The following DOK6 variants were observed in gnomAD, a reference collection of about 807,000 sequenced individuals.
The protein encoded by DOK6 is docking protein 6, also known as downstream of tyrosine kinase 6.
In DOK6, 22 loss-of-function variants were observed where a neutral mutation model predicts 44.0. The observed-to-expected ratio is 0.50, with a 90% CI of 0.36 to 0.71. The LOEUF is 0.71. Among genes scored for constraint, DOK6 ranks in the 30% least tolerant of loss-of-function variants. DOK6 has a pLI of 0.00. For synonymous variants in DOK6, 166 were observed against 145.5 expected (o/e 1.14, Z -1.01); for missense variants, 340 against 416.4 (o/e 0.82, Z 1.60).
chr18:69,541,840 T>C (rs934162443), intron 1 of DOK6, among the ~76,000 whole-genome samples: 12 of 151,756 alleles, frequency 7.9e-5, no homozygotes, highest in Middle Eastern at 3.4e-3. Flanking sequence ...TTGAAAACTC[T>C]GTATTGATAG....
At chr18:69,614,819 G>T (rs542773203) in intron 3 of DOK6, among the ~76,000 whole-genome samples, 2 of 151,602 alleles carry the variant, frequency 1.3e-5, no homozygotes, top group East Asian at 3.9e-4. Flanking sequence ...ACACATATGT[G>T]TGTGTGTGTG....
chr18:69,755,607 C>G (rs1979330016), intron 6 of DOK6, among the ~76,000 whole-genome samples: 1 of 152,152 alleles, frequency 6.6e-6, no homozygotes, highest in Admixed American at 6.5e-5. Context: ...CCTAATAATC[C>G]TTTCATAAAA....
rs559853474 is a variant in DOK6, at chr18:69,522,200, A to G, written c.67-42287A>G. The stretch of plus-strand genomic sequence containing the variant: ...TTTACTAACAGTATATTGTTGGTTC[A>G]AAACAAACCACACACACACACACCC... On this transcript the variant is annotated intron_variant, in intron 1 of 7. Coordinates refer to ENST00000382713, the MANE Select transcript of DOK6 (RefSeq NM_152721.6). 4.0e-5 allele frequency among the ~76,000 whole-genome samples: 6 copies of G among 151,846 alleles called. No individual in the cohort carries two copies. In the East Asian group the frequency reaches 9.7e-4, roughly 25 times the overall value.
intron 1 of DOK6, among the ~76,000 whole-genome samples, chr18:69,484,772 C>T (rs886437994): frequency 2.6e-5 from 4 of 152,180 alleles, no homozygotes; most frequent in Non-Finnish European, 5.9e-5. Context: ...AGGTGCACCA[C>T]AGCCTTCTCC....
chr18:69,592,389 T>C (rs1173427872), intron 2 of DOK6, among the ~76,000 whole-genome samples: 1 of 152,098 alleles, frequency 6.6e-6, no homozygotes, highest in Non-Finnish European at 1.5e-5. Flanking sequence ...AGTTATTTTT[T>C]ATTTTCCCAC....
chr18:69,736,637 T>C (rs1486929636), intron 5 of DOK6, among the ~76,000 whole-genome samples: 1 of 152,190 alleles, frequency 6.6e-6, no homozygotes, highest in Non-Finnish European at 1.5e-5. Context: ...GGCAAGGGAA[T>C]TGGGGGTTCA....
intron 4 of DOK6, among the ~76,000 whole-genome samples, chr18:69,679,959 A>C (rs974955446): frequency 6.6e-6 from 1 of 152,138 alleles, no homozygotes; most frequent in African/African-American, 2.4e-5. Flanking sequence ...CACACACAAC[A>C]CACATACACA....
intron 3 of DOK6, among the ~76,000 whole-genome samples, chr18:69,613,836 T>A (rs937924850): frequency 6.6e-6 from 1 of 151,652 alleles, no homozygotes; most frequent in Admixed American, 6.6e-5. Flanking sequence ...GGTTCTTCCC[T>A]CCAAAATATG....
chr18:69,472,394 A>T (rs1599147256), intron 1 of DOK6, among the ~76,000 whole-genome samples: 1 of 152,322 alleles, frequency 6.6e-6, no homozygotes, highest in East Asian at 1.9e-4. Context: ...CTTAGAAGAA[A>T]AGGTGGCACA....
intron 7 of DOK6, among the ~76,000 whole-genome samples, chr18:69,789,621 C>A (rs1327733026): frequency 1.3e-5 from 2 of 152,040 alleles, no homozygotes. Flanking sequence ...TGTTTATGTT[C>A]CCAAAGATGA....
intron 3 of DOK6, among the ~76,000 whole-genome samples, chr18:69,609,387 A>T (rs1216473665): frequency 2.0e-5 from 3 of 152,178 alleles, no homozygotes; most frequent in African/African-American, 4.8e-5. Context: ...GGTGTATGAA[A>T]GGTGCTCTGA....
chr18:69,847,838 A>T lies in DOK6; in HGVS notation c.*6455A>T, dbSNP rs922378391. Reference sequence around the variant, plus strand: ...CAACTTTGTTGTGAAAGCTGATAACAGAGTATGATTCTTTCCAGTTACAAA... The same window carrying T: ...CAACTTTGTTGTGAAAGCTGATAACTGAGTATGATTCTTTCCAGTTACAAA... On this transcript the variant is annotated 3_prime_UTR_variant, in exon 8 of 8. Coordinates refer to ENST00000382713, the MANE Select transcript of DOK6 (RefSeq NM_152721.6). 7.2e-5 allele frequency: 11 copies of T among 152,028 alleles called. No homozygotes were observed. The highest frequency in any genetic ancestry group is 2.7e-4 in the African/African-American group (11 of 41,394). 9.4% of individuals were successfully genotyped at this position (152,028 alleles called of 1,614,324 possible).
chr18:69,410,120 G>C (rs1978299878), intron 1 of DOK6, among the ~76,000 whole-genome samples: 1 of 152,206 alleles, frequency 6.6e-6, no homozygotes, highest in South Asian at 2.1e-4. Context: ...TACTATTCTA[G>C]ACATTTAAAA....
chr18:69,828,127 A>G (rs1273437199), intron 7 of DOK6, among the ~76,000 whole-genome samples: 1 of 151,884 alleles, frequency 6.6e-6, no homozygotes, highest in African/African-American at 2.4e-5. Context: ...AATTAAAACA[A>G]AGATACTTTA....
chr18:69,465,234 T>C (rs935904010), intron 1 of DOK6, among the ~76,000 whole-genome samples: 36 of 152,170 alleles, frequency 2.4e-4, no homozygotes, highest in Admixed American at 1.3e-3. Context: ...GATAAATTTG[T>C]ATTTTCATTT....
intron 3 of DOK6, among the ~76,000 whole-genome samples, chr18:69,667,923 A>G (rs980064465): frequency 1.3e-5 from 2 of 152,208 alleles, no homozygotes; most frequent in Non-Finnish European, 2.9e-5. Context: ...AAGCTCATAT[A>G]GTGAACTGCC....
At chr18:69,434,000 CAT>C (rs1978878959) in intron 1 of DOK6, among the ~76,000 whole-genome samples, 1 of 152,166 alleles carries the variant, frequency 6.6e-6, no homozygotes, top group African/African-American at 2.4e-5. Context: ...CCTGATCACA[CAT>C]GATTTTTTCC....
At chr18:69,754,578 G>C (rs544282674) in intron 6 of DOK6, among the ~76,000 whole-genome samples, 1 of 152,124 alleles carries the variant, frequency 6.6e-6, no homozygotes, top group Non-Finnish European at 1.5e-5. Flanking sequence ...TTAAACAACA[G>C]AAATTTATTT....
intron 1 of DOK6, among the ~76,000 whole-genome samples, chr18:69,521,742 A>G (rs1981692881): frequency 6.6e-6 from 1 of 151,976 alleles, no homozygotes; most frequent in Non-Finnish European, 1.5e-5. Context: ...AAGTTCTGAT[A>G]CACTATTGCA....
Sources: gnomAD v4.1 joint callset for allele counts (sites outside exome capture counted in the v4.1 genomes callset) on GRCh38, gnomAD v4.1.1 for gene constraint, MANE v1.5 for transcripts, NCBI Gene and HGNC (gene_info 2026-07-23, HGNC 2026-07-21) for gene names.